SLC8A1: variants seen among roughly 807,000 people sequenced by gnomAD.
SLC8A1 encodes the protein sodium/calcium exchanger 1.
In SLC8A1, 18 loss-of-function variants were observed where a neutral mutation model predicts 68.3. The ratio of observed to expected loss-of-function variants is 0.26; its 90% confidence interval spans 0.18 to 0.39. SLC8A1 has a LOEUF of 0.39. Ranked by LOEUF, SLC8A1 falls within the 10% of genes least tolerant of loss-of-function variation. The pLI is 1.00. For missense variants in SLC8A1, 985 were observed against 1,156.7 expected (o/e 0.85, Z 2.15); for synonymous variants, 475 against 415.5 (o/e 1.14, Z -1.74).
At chr2:40,412,736 T>C (rs188565708) in intron 2 of SLC8A1, among the ~76,000 whole-genome samples, 12 of 152,280 alleles carry the variant, frequency 7.9e-5, no homozygotes, top group Middle Eastern at 3.4e-3. Context: ...GAGTCAGTCA[T>C]GACAATAATT....
intron 2 of SLC8A1, among the ~76,000 whole-genome samples, chr2:40,367,658 C>A (rs1175608506): frequency 6.6e-6 from 1 of 151,970 alleles, no homozygotes; most frequent in Non-Finnish European, 1.5e-5. Context: ...CTAGATGCCT[C>A]CAGACTGTCA....
At chr2:40,494,261 G>T (rs890502039) in intron 1 of SLC8A1, among the ~76,000 whole-genome samples, 6 of 151,996 alleles carry the variant, frequency 3.9e-5, no homozygotes, top group Admixed American at 1.3e-4. Flanking sequence ...AGAAAACCCT[G>T]TTTAGTGCAA....
Position 40,250,436 on chromosome 2 carries a change from G to A in SLC8A1, c.1809-72581C>T, listed in dbSNP as rs530808809. 4 of 152,204 alleles carry A rather than the reference G, an allele frequency of 2.6e-5. No individual in the cohort carries two copies. The South Asian group carries it at 6.2e-4, about 24-fold the overall frequency. 9.4% of individuals were successfully genotyped at this position (152,204 alleles called of 1,614,324 possible). A position where few individuals can be genotyped will look rare whatever the true frequency, so the allele number is the denominator to read the frequency against. On this transcript the variant is annotated intron_variant, in intron 2 of 7. Transcript: ENST00000406785. ...ATATTATTAAAATTAGTGATCATTA[G>A]CTGGCACTTTACAACAGAAATGATC...
At chr2:40,414,809 A>G (rs928931502) in intron 2 of SLC8A1, among the ~76,000 whole-genome samples, 1 of 152,170 alleles carries the variant, frequency 6.6e-6, no homozygotes, top group African/African-American at 2.4e-5. Flanking sequence ...GTTTATGCCT[A>G]CAGATCAATA....
At chr2:40,174,416 C>T (rs1177646917) in intron 4 of SLC8A1, among the ~76,000 whole-genome samples, 1 of 152,080 alleles carries the variant, frequency 6.6e-6, no homozygotes, top group African/African-American at 2.4e-5. Flanking sequence ...TCACCTTATT[C>T]TAGAGCTCTT....
At chr2:40,327,045 T>C (rs894669936) in intron 2 of SLC8A1, among the ~76,000 whole-genome samples, 14 of 152,274 alleles carry the variant, frequency 9.2e-5, no homozygotes, top group Non-Finnish European at 1.3e-4. Flanking sequence ...TAATACAATA[T>C]ACCTATTTTA....
At chr2:40,490,414 A>C (rs1238063334) in intron 1 of SLC8A1, among the ~76,000 whole-genome samples, 1 of 152,152 alleles carries the variant, frequency 6.6e-6, no homozygotes, top group Non-Finnish European at 1.5e-5. Flanking sequence ...TGTTTCTCCA[A>C]CTTTTCCACT....
chr2:40,407,382 G>A (rs920740093), intron 2 of SLC8A1, among the ~76,000 whole-genome samples: 9 of 152,132 alleles, frequency 5.9e-5, no homozygotes, highest in African/African-American at 1.9e-4. Flanking sequence ...ATTCCTCATG[G>A]ACTGGTTCCT....
intron 2 of SLC8A1, among the ~76,000 whole-genome samples, chr2:40,425,655 T>C (rs1434651645): frequency 6.6e-6 from 1 of 151,936 alleles, no homozygotes; most frequent in Non-Finnish European, 1.5e-5. Flanking sequence ...CTTTCAAGAT[T>C]AACTATGTAA....
chr2:40,418,099 C>A (rs1040498253), intron 2 of SLC8A1, among the ~76,000 whole-genome samples: 1 of 151,994 alleles, frequency 6.6e-6, no homozygotes, highest in Admixed American at 6.6e-5. Context: ...ATGTTCCTTC[C>A]CTAAAATAAT....
intron 2 of SLC8A1, among the ~76,000 whole-genome samples, chr2:40,238,794 CA>C (rs1034274422): frequency 3.3e-5 from 5 of 150,226 alleles, no homozygotes; most frequent in Non-Finnish European, 7.4e-5. Context: ...AATTTTTTTT[CA>C]TCTGGAGGAA....
chr2:40,104,624 C>G (rs966559523), exon 8 of SLC8A1: 1 of 152,098 alleles, frequency 6.6e-6, no homozygotes, highest in African/African-American at 2.4e-5. Flanking sequence ...TGGACTCTTC[C>G]TGACTAAATC....
At chr2:40,389,997 T>C (rs1684783194) in intron 2 of SLC8A1, among the ~76,000 whole-genome samples, 1 of 151,900 alleles carries the variant, frequency 6.6e-6, no homozygotes, top group Admixed American at 6.6e-5. Context: ...TATAAACATT[T>C]TCCCTCCTCA....
At chr2:40,449,671 T>C (rs1702080580) in intron 1 of SLC8A1, among the ~76,000 whole-genome samples, 1 of 133,768 alleles carries the variant, frequency 7.5e-6, no homozygotes, top group African/African-American at 3.0e-5. Context: ...TATATAATAA[T>C]ATTAAAGTAA....
At chr2:40,268,205 T>G (rs764324705) in intron 2 of SLC8A1, among the ~76,000 whole-genome samples, 2 of 152,102 alleles carry the variant, frequency 1.3e-5, no homozygotes, top group Non-Finnish European at 2.9e-5. Context: ...TCCCCTCCAG[T>G]GTCCTTTGAG....
At chr2:40,258,326 G>A (rs954150416) in intron 2 of SLC8A1, among the ~76,000 whole-genome samples, 1 of 152,156 alleles carries the variant, frequency 6.6e-6, no homozygotes, top group Non-Finnish European at 1.5e-5. Context: ...CAAGAACAAA[G>A]TACTTCCCAA....
chr2:40,494,739 A>G (rs1367352579), intron 1 of SLC8A1, among the ~76,000 whole-genome samples: 1 of 147,696 alleles, frequency 6.8e-6, no homozygotes, highest in Non-Finnish European at 1.5e-5. Flanking sequence ...TCATGCTCAG[A>G]AATATTTATA....
chr2:40,242,766 C>T lies in SLC8A1; in HGVS notation c.1809-64911G>A, dbSNP rs1464912048. Among the ~76,000 whole-genome samples the T allele has an allele frequency of 3.3e-5, 5 of 152,136 alleles. 1 individual carries two copies. Among genetic ancestry groups the T allele is most frequent in the South Asian group, 4.1e-4 (2 of 4,828 alleles). On this transcript the variant is annotated intron_variant, in intron 2 of 7. Coordinates refer to ENST00000406785, the Ensembl canonical transcript of SLC8A1. ...AAGAAACCAAAGAGGAATACAAATACAACCATGCCTTGTGTTTCAAGACTT... is the reference window on the plus strand; with the variant it reads ...AAGAAACCAAAGAGGAATACAAATATAACCATGCCTTGTGTTTCAAGACTT...
chr2:40,241,921 T>A (rs761951644), intron 2 of SLC8A1, among the ~76,000 whole-genome samples: 26 of 152,186 alleles, frequency 1.7e-4, no homozygotes, highest in Admixed American at 1.6e-3. Context: ...TGTTGTTGAA[T>A]ACTGGGATAA....
Sources: gnomAD v4.1 joint callset for allele counts (sites outside exome capture counted in the v4.1 genomes callset) on GRCh38, gnomAD v4.1.1 for gene constraint, MANE v1.5 for transcripts, NCBI Gene and HGNC (gene_info 2026-07-23, HGNC 2026-07-21) for gene names.